The following CYP2C8 variants were observed in gnomAD, a reference collection of about 807,000 sequenced individuals.
CYP2C8 encodes the protein cytochrome P450 family 2 subfamily C member 8.
CYP2C8 carries 51 observed loss-of-function variants against 41.3 expected under a neutral mutation model. The ratio of observed to expected loss-of-function variants is 1.24; its 90% confidence interval spans 0.99 to 1.56. CYP2C8 has a LOEUF of 1.56. CYP2C8 is among the 40% of genes most tolerant of loss of function. The probability of loss-of-function intolerance (pLI) is 0.00; values close to 1 mark genes in which losing one functional copy is unlikely to be tolerated. For missense variants in CYP2C8, 651 were observed against 579.9 expected, an observed-to-expected ratio of 1.12 and a Z score of -1.26; for synonymous variants, 218 against 205.8, an observed-to-expected ratio of 1.06 and a Z score of -0.51.
At chr10:95,057,433 C>A (rs369463470) in intron 5 of CYP2C8, among the ~76,000 whole-genome samples, 1 of 152,074 alleles carries the variant, frequency 6.6e-6, no homozygotes, top group East Asian at 1.9e-4. Context: ...TTCCTATGGG[C>A]TTGTTTGCAG....
At chr10:95,038,872 A>T in intron 8 of CYP2C8, 25 bp downstream of exon 8, 1 of 1,612,258 alleles carries the variant, frequency 6.2e-7, no homozygotes, top group Admixed American at 1.7e-5. Context: ...TCCTTTAAAT[A>T]CAAATGGAAA....
intron 8 of CYP2C8, among the ~76,000 whole-genome samples, chr10:95,037,576 G>A (rs1347932676): frequency 6.6e-6 from 1 of 152,110 alleles, no homozygotes; most frequent in Admixed American, 6.5e-5. Context: ...AATATTCATT[G>A]ATTATCAGCT....
At chr10:95,054,536 A>G (rs1487501395) in intron 5 of CYP2C8, among the ~76,000 whole-genome samples, 1 of 152,164 alleles carries the variant, frequency 6.6e-6, no homozygotes, top group Non-Finnish European at 1.5e-5. Context: ...GCTATTCAGC[A>G]TAGCACTTAA....
chr10:95,037,261 A>C lies in CYP2C8; in HGVS notation c.1340T>G (p.Leu447Ter). The change falls in exon 9 of 9, where the codon TTA (leucine) becomes TGA (stop). Residue 447 changes from leucine to a stop codon, truncating the protein, a stop_gained. Coordinates refer to ENST00000371270, the MANE Select transcript of CYP2C8 (RefSeq NM_000770.3). LOFTEE classifies it low-confidence loss of function (END_TRUNC). Reference protein sequence around the residue: ...GEGLARMELFLFLTTILQNFN... With the variant: ...GEGLARMELF ...GTTCTGTAAAATTGTGGTTAGAAAT[A>C]AAAATAGCTCCATGCGGGCAAGTCC... 6.2e-7 allele frequency: 1 copy of C among 1,613,866 alleles called. No homozygotes were observed. Among genetic ancestry groups the C allele is most frequent in the African/African-American group, 1.3e-5 (1 of 75,072 alleles).
chr10:95,038,851 A>C (rs1240066512), intron 8 of CYP2C8, 46 bp downstream of exon 8: 1 of 1,601,822 alleles, frequency 6.2e-7, no homozygotes, highest in South Asian at 1.1e-5. Context: ...AATTCCAAAA[A>C]GTTCTCTCTT....
In CYP2C8 at chr10:95,042,920, A is replaced by G; in HGVS notation, c.1119T>C (p.Asp373=). 2 of 1,614,154 alleles carry G rather than the reference A, an allele frequency of 1.2e-6. No homozygotes were observed. The highest frequency in any genetic ancestry group is 1.3e-5 in the African/African-American group (1 of 75,064). ...GGATGAGGTAGTTTCTGAACTTAGT[A>G]TCAGTGGTCACTGCATGGGGCACAC... ...PTGVPHAVTT[D]TKFRNYLIPK... is the part of the protein sequence containing the mutation. Residue 373 remains aspartate, a synonymous_variant, in exon 7 of 9, where the codon GAT becomes GAC. Transcript: ENST00000371270.
chr10:95,060,325 G>A (rs1186923925), intron 4 of CYP2C8, among the ~76,000 whole-genome samples: 3 of 152,154 alleles, frequency 2.0e-5, no homozygotes, highest in Admixed American at 1.3e-4. Context: ...TTGTTGAGCA[G>A]TTGTTTGTAG....
intron 6 of CYP2C8, among the ~76,000 whole-genome samples, chr10:95,044,873 C>T (rs2134412793): frequency 6.6e-6 from 1 of 152,320 alleles, no homozygotes; most frequent in Admixed American, 6.5e-5. Flanking sequence ...AGATTAGCTT[C>T]TCCTCTTGAT....
At chr10:95,042,573 G>T (rs2033024307) in intron 7 of CYP2C8, among the ~76,000 whole-genome samples, 2 of 152,264 alleles carry the variant, frequency 1.3e-5, no homozygotes, top group African/African-American at 4.8e-5. Flanking sequence ...TTCAATGCAT[G>T]AACATGTTAA....
Position 95,069,480 on chromosome 10 carries a change from TG to T in CYP2C8, c.-79del. ...TATAACACTCCCTGCTAATTTAGTG[TG>T]TGTCTCTTTGACATGTAAAGTAAAC... On this transcript the variant is annotated 5_prime_UTR_variant, in exon 1 of 9. An upstream open reading frame in the 5' UTR gains an earlier in-frame stop. Coordinates refer to ENST00000371270, the MANE Select transcript of CYP2C8 (RefSeq NM_000770.3). 1.7e-6 allele frequency: 2 copies of T among 1,165,962 alleles called. No homozygotes were observed. The highest frequency in any genetic ancestry group is 2.6e-6 in the Non-Finnish European group (2 of 783,366). 72.2% of individuals were successfully genotyped at this position (1,165,962 alleles called of 1,614,324 possible).
intron 5 of CYP2C8, among the ~76,000 whole-genome samples, chr10:95,046,444 C>T (rs1020178778): frequency 6.6e-6 from 1 of 152,018 alleles, no homozygotes; most frequent in Non-Finnish European, 1.5e-5. Flanking sequence ...GGGGGGCACA[C>T]TCACATTTAT....
chr10:95,062,201 C>G (rs1466523942), intron 4 of CYP2C8, among the ~76,000 whole-genome samples: 1 of 152,060 alleles, frequency 6.6e-6, no homozygotes, highest in Non-Finnish European at 1.5e-5. Context: ...TCCTTGTTAA[C>G]TTTCTGTCTC....
intron 7 of CYP2C8, among the ~76,000 whole-genome samples, chr10:95,041,299 G>C (rs531169549): frequency 2.2e-4 from 34 of 152,172 alleles, no homozygotes; most frequent in Non-Finnish European, 3.8e-4. Flanking sequence ...GGATCTTAAA[G>C]TGCATAATTG....
intron 7 of CYP2C8, chr10:95,039,415 A>C: frequency 3.7e-6 from 1 of 270,116 alleles, no homozygotes; most frequent in Middle Eastern, 1.3e-3. Context: ...TGAAATGTCC[A>C]GAGTATCTGT....
chr10:95,037,194 A>G lies in CYP2C8; in HGVS notation c.1407T>C (p.Thr469=). ...AAACAATCCCTTTGGTAACTGCAGT[A>G]GTATTGAGGTTCTTTAAATCATCAA... The part of the protein sequence containing the change: ...KSVDDLKNLN[T]TAVTKGIVSL... Residue 469 remains threonine (T), a synonymous_variant, in exon 9 of 9, where the codon ACT becomes ACC. Coordinates refer to ENST00000371270, the MANE Select transcript of CYP2C8 (RefSeq NM_000770.3). The G allele has an allele frequency of 1.2e-6, 2 of 1,613,966 alleles. No homozygotes were observed. Among genetic ancestry groups the G allele is most frequent in the Non-Finnish European group, 1.7e-6 (2 of 1,179,864 alleles).
chr10:95,066,490 T>G (rs1341138188), intron 3 of CYP2C8, among the ~76,000 whole-genome samples: 1 of 152,210 alleles, frequency 6.6e-6, no homozygotes, highest in East Asian at 1.9e-4. Context: ...AAATTAGTGT[T>G]TGTGTATTTG....
intron 5 of CYP2C8, among the ~76,000 whole-genome samples, chr10:95,049,205 A>T (rs2033166968): frequency 6.6e-6 from 1 of 152,146 alleles, no homozygotes; most frequent in South Asian, 2.1e-4. Context: ...GGGAGAGTGG[A>T]GCAAGATGAC....
chr10:95,037,354 T>C (rs773915472), intron 8 of CYP2C8, 45 bp from the exon 9 acceptor site: 4 of 1,544,832 alleles, frequency 2.6e-6, no homozygotes, highest in Middle Eastern at 4.3e-4. Context: ...TGTGTTTAAC[T>C]GTGACTGTGA....
At chr10:95,059,126 C>T (rs1488804336) in intron 4 of CYP2C8, among the ~76,000 whole-genome samples, 5 of 152,126 alleles carry the variant, frequency 3.3e-5, no homozygotes, top group African/African-American at 4.8e-5. Context: ...GTCTTTAAAG[C>T]AGCATGACTT....
Sources: allele counts gnomAD v4.1 joint callset (sites outside exome capture counted in the v4.1 genomes callset), GRCh38; gene constraint gnomAD v4.1.1; transcripts MANE v1.5; gene names NCBI Gene and HGNC (gene_info 2026-07-23, HGNC 2026-07-21).